EAPP: variants seen among roughly 807,000 people sequenced by gnomAD.
The protein encoded by EAPP is E2F-associated phosphoprotein.
EAPP carries 38 observed loss-of-function variants against 34.3 expected under a neutral mutation model. The observed-to-expected ratio is 1.11, with a 90% confidence interval of 0.85 to 1.45. EAPP has a LOEUF of 1.45. Ranked by LOEUF, EAPP falls within the 40% of genes most tolerant of loss-of-function variation. EAPP has a pLI of 0.00. For synonymous variants in EAPP, 113 were observed against 117.6 expected, an observed-to-expected ratio of 0.96 and a Z score of 0.25; for missense variants, 338 against 343.7, an observed-to-expected ratio of 0.98 and a Z score of 0.13.
At chr14:34,526,282 A>G (rs1222005949) in intron 4 of EAPP, among the ~76,000 whole-genome samples, 2 of 151,786 alleles carry the variant, frequency 1.3e-5, no homozygotes, top group African/African-American at 4.8e-5. Context: ...TACAAAAATT[A>G]GCTAGGCATG....
intron 2 of EAPP, 70 bp from the exon 3 acceptor site, chr14:34,533,609 T>C (rs2138222449): frequency 3.1e-6 from 3 of 974,554 alleles, no homozygotes; most frequent in Non-Finnish European, 4.6e-6. Context: ...ACTCCATATA[T>C]TCTTCCATCA....
chr14:34,532,774 A>T (rs937994910), intron 3 of EAPP, among the ~76,000 whole-genome samples: 2 of 149,908 alleles, frequency 1.3e-5, no homozygotes, highest in Non-Finnish European at 3.0e-5. Flanking sequence ...TCCCTGGTTC[A>T]AGCAACTTCC....
At chr14:34,532,440 C>A (rs1457503299) in intron 3 of EAPP, among the ~76,000 whole-genome samples, 5 of 143,690 alleles carry the variant, frequency 3.5e-5, no homozygotes, top group African/African-American at 7.8e-5. Context: ...CCAGCTTGGG[C>A]AACAAGAGCG....
intron 1 of EAPP, 27 bp downstream of exon 1, chr14:34,539,528 G>C (rs1183543099): frequency 3.7e-6 from 6 of 1,602,928 alleles, no homozygotes; most frequent in Non-Finnish European, 5.1e-6. Flanking sequence ...CCAAATCCTC[G>C]GGGGCCAGGG....
chr14:34,521,012 G>C (rs984479463), intron 5 of EAPP, among the ~76,000 whole-genome samples: 1 of 151,952 alleles, frequency 6.6e-6, no homozygotes, highest in African/African-American at 2.4e-5. Flanking sequence ...AAATGTGTTT[G>C]GTGTTCTCTG....
intron 4 of EAPP, among the ~76,000 whole-genome samples, chr14:34,527,617 T>G (rs1364170952): frequency 6.6e-6 from 1 of 152,172 alleles, no homozygotes; most frequent in Non-Finnish European, 1.5e-5. Flanking sequence ...TGGGATACTA[T>G]TCAGTCATAA....
intron 3 of EAPP, among the ~76,000 whole-genome samples, chr14:34,531,328 C>T (rs931002009): frequency 1.4e-5 from 2 of 143,742 alleles, no homozygotes; most frequent in African/African-American, 2.6e-5. Context: ...CAAGGCTGGG[C>T]GCGGTGGCTC....
At position 34,524,781 on chromosome 14, in the gene EAPP, G is replaced by A; in HGVS notation, c.497C>T (p.Ser166Leu). Residue 166 changes from serine (S) to leucine (L), a missense_variant, in exon 5 of 6, where the codon TCA becomes TTA. Ser to Leu is a moderately radical substitution (Grantham distance 145). Coordinates refer to ENST00000250454, the MANE Select transcript of EAPP (RefSeq NM_018453.4). Reference sequence around the variant, plus strand: ...ATTTGGAACAGGCTGTTGTTGACGTGATCTCTGTGGTCCCAAACCATGGTA... The same window carrying A: ...ATTTGGAACAGGCTGTTGTTGACGTAATCTCTGTGGTCCCAAACCATGGTA... ...RGYHGLGPQR[S>L]RQQQPVPNSD... 6.2e-7 allele frequency: 1 copy of A among 1,613,400 alleles called. No homozygotes were observed. The highest frequency in any genetic ancestry group is 8.5e-7 in the Non-Finnish European group (1 of 1,179,820).
In EAPP at chr14:34,532,148, C is replaced by T. The variant is rs529485256; in HGVS notation, c.352+1296G>A. ...AACATAGAGGCTGATTAAAAATCAA[C>T]GCATTAAGAAAAATTCTGCAGGAGG... On this transcript the variant is annotated intron_variant, in intron 3 of 5. Coordinates refer to ENST00000250454, the MANE Select transcript of EAPP (RefSeq NM_018453.4). Among the ~76,000 whole-genome samples the T allele has an allele frequency of 4.0e-5, 6 of 151,172 alleles. No individual in the cohort carries two copies. In the East Asian group the frequency reaches 5.9e-4, roughly 15 times the overall value.
chr14:34,531,498 A>G (rs998623260), intron 3 of EAPP, among the ~76,000 whole-genome samples: 1 of 152,020 alleles, frequency 6.6e-6, no homozygotes, highest in African/African-American at 2.4e-5. Context: ...GCTACTCAGC[A>G]GGCTGAGGCA....
At chr14:34,524,405 A>T (rs1351871140) in intron 5 of EAPP, among the ~76,000 whole-genome samples, 1 of 151,706 alleles carries the variant, frequency 6.6e-6, no homozygotes, top group African/African-American at 2.4e-5. Flanking sequence ...ACAAAACAAA[A>T]CTATATCTAT....
chr14:34,525,682 T>C (rs562982949), intron 4 of EAPP, among the ~76,000 whole-genome samples: 2 of 152,098 alleles, frequency 1.3e-5, no homozygotes, highest in South Asian at 4.2e-4. Flanking sequence ...GAACAGTACA[T>C]AAAAACTAAG....
chr14:34,532,775 A>G (rs1161595854), intron 3 of EAPP, among the ~76,000 whole-genome samples: 1 of 151,030 alleles, frequency 6.6e-6, no homozygotes, highest in Non-Finnish European at 1.5e-5. Context: ...CCCTGGTTCA[A>G]GCAACTTCCC....
At chr14:34,530,904 C>CAAAAAAAAAAAAAAAAAAAA (rs780101001) in intron 3 of EAPP, among the ~76,000 whole-genome samples, 1 of 55,180 alleles carries the variant, frequency 1.8e-5, no homozygotes, top group African/African-American at 7.0e-5. Context: ...CAATCTTTAC[C>CAAAAAAAAAAAAAAAAAAAA]AAAAAAAAAA....
intron 2 of EAPP, among the ~76,000 whole-genome samples, chr14:34,534,754 C>T (rs1378086130): frequency 6.6e-6 from 1 of 152,020 alleles, no homozygotes; most frequent in East Asian, 1.9e-4. Context: ...ATAATCCCAG[C>T]ACTTTGGGAG....
chr14:34,516,498 C>G lies in EAPP; in HGVS notation c.670G>C (p.Glu224Gln). 1.2e-6 allele frequency: 2 copies of G among 1,614,178 alleles called. No individual in the cohort carries two copies. Among genetic ancestry groups the G allele is most frequent in the Non-Finnish European group, 1.7e-6 (2 of 1,180,034 alleles). Residue 224 changes from glutamate (E) to glutamine (Q), a missense_variant, in exon 6 of 6, where the codon GAG becomes CAG. Physicochemically the swap from Glu to Gln is conservative, Grantham distance 29. Coordinates refer to ENST00000250454, the MANE Select transcript of EAPP (RefSeq NM_018453.4). The part of the protein sequence containing the change: ...KEEVLRYKAS[E>Q]NRKKRRVHKK... ...TGGACCCGCCTTTTCTTCCTGTTCT[C>G]TGAGGCTTTATATCTTAGAACCTCC...
intron 5 of EAPP, among the ~76,000 whole-genome samples, chr14:34,518,325 A>ATTTTTTTTTTTT (rs71404852): frequency 4.0e-5 from 3 of 74,082 alleles, no homozygotes; most frequent in African/African-American, 6.8e-5. Context: ...CTCCCTTTAG[A>ATTTTTTTTTTTT]TTTTTTTTTT....
chr14:34,518,904 GT>G (rs1239106478), intron 5 of EAPP, among the ~76,000 whole-genome samples: 5 of 152,134 alleles, frequency 3.3e-5, no homozygotes, highest in African/African-American at 1.2e-4. Context: ...GTTGAGTCTT[GT>G]TTGTTGATCC....
chr14:34,517,924 G>A lies in EAPP; in HGVS notation c.582-1338C>T, dbSNP rs866709227. On this transcript the variant is annotated intron_variant, in intron 5 of 5. Transcript: ENST00000250454. Reference sequence around the variant, plus strand: ...TGAGTAGCTGGGATTAAAGGTGTACGCCACCACACTTGGCTCATTTTTGTA... The same window carrying A: ...TGAGTAGCTGGGATTAAAGGTGTACACCACCACACTTGGCTCATTTTTGTA... 4.4e-4 allele frequency among the ~76,000 whole-genome samples: 67 copies of A among 151,640 alleles called. No individual in the cohort carries two copies. The Middle Eastern group carries it at 0.014, about 31-fold the overall frequency.
Sources: gnomAD v4.1 joint callset for allele counts (sites outside exome capture counted in the v4.1 genomes callset) on GRCh38, gnomAD v4.1.1 for gene constraint, MANE v1.5 for transcripts, NCBI Gene and HGNC (gene_info 2026-07-23, HGNC 2026-07-21) for gene names.